HMCN2: variants seen among roughly 807,000 people sequenced by gnomAD.
HMCN2 encodes the protein hemicentin-2.
In HMCN2, 325 loss-of-function variants were observed where a neutral mutation model predicts 377.5. The ratio of observed to expected loss-of-function variants is 0.86; its 90% CI spans 0.79 to 0.94. The LOEUF (loss-of-function observed/expected upper bound fraction) is 0.94. Among genes scored for constraint, HMCN2 ranks in the 40% least tolerant of loss-of-function variants. The pLI is 0.00. For missense variants in HMCN2, 4,543 were observed against 4,725.3 expected (o/e 0.96, Z 1.13); for synonymous variants, 2,007 against 2,046.8 (o/e 0.98, Z 0.53).
At chr9:130,433,309 C>A (rs1686378787) in intron 97 of HMCN2, 39 bp from the exon 98 acceptor site, 4 of 1,385,020 alleles carry the variant, frequency 2.9e-6, no homozygotes, top group African/African-American at 3.0e-5. Context: ...CCGACCGCAC[C>A]CCCGAGTCCG....
Position 130,428,227 on chromosome 9 carries a change from G to T in HMCN2, c.14066-131G>T, listed in dbSNP as rs1241096710. 3 of 1,075,434 alleles carry T rather than the reference G, an allele frequency of 2.8e-6. No individual in the cohort carries two copies. The highest frequency in any genetic ancestry group is 3.9e-6 in the Non-Finnish European group (3 of 777,638). The allele number at this position is 1,075,434 out of a possible 1,614,324, so 66.6% of individuals were successfully genotyped here. Reference sequence around the variant, plus strand: ...ACAATGGAAAGAGCTAGCAGAAGGGGTGGGGACCTTCCTGCCAGTGGCTCC... The same window carrying T: ...ACAATGGAAAGAGCTAGCAGAAGGGTTGGGGACCTTCCTGCCAGTGGCTCC... On this transcript the variant is annotated intron_variant, in intron 92 of 97. Coordinates refer to ENST00000683500, the MANE Select transcript of HMCN2 (RefSeq NM_001291815.2). This position sits in a 1 kb window ranked among gnomAD's most constrained non-coding sequence, Gnocchi z 5.0.
At chr9:130,389,575 ATTC>A (rs1382092717) in intron 62 of HMCN2, among the ~76,000 whole-genome samples, 2 of 132,968 alleles carry the variant, frequency 1.5e-5, no homozygotes, top group Non-Finnish European at 3.1e-5. Context: ...TCAGTACTTC[ATTC>A]TTTTTTTTTT....
chr9:130,293,279 G>T (rs1218587317), intron 4 of HMCN2, among the ~76,000 whole-genome samples: 365 of 57,104 alleles, frequency 6.4e-3, no homozygotes, highest in African/African-American at 0.013. Context: ...ACTCACTAAA[G>T]TTTTTTTTTT....
intron 1 of HMCN2, among the ~76,000 whole-genome samples, chr9:130,276,977 G>A (rs781948626): frequency 8.5e-5 from 13 of 152,250 alleles, no homozygotes; most frequent in Non-Finnish European, 1.2e-4. Flanking sequence ...CAGGCCCCAG[G>A]AAGAGGCCTC....
intron 7 of HMCN2, 130 bp downstream of exon 7, chr9:130,296,924 G>A: frequency 2.6e-6 from 1 of 380,952 alleles, no homozygotes; most frequent in Non-Finnish European, 5.4e-6. Context: ...CCCTGCAGGA[G>A]GCCAAGTGGG....
rs929465237 is a variant in HMCN2, at chr9:130,423,233, C to A, written c.13381+507C>A. Among the ~76,000 whole-genome samples the A allele has an allele frequency of 6.6e-6, 1 of 152,118 alleles. No individual in the cohort carries two copies. On this transcript the variant is annotated intron_variant, in intron 87 of 97. Coordinates refer to ENST00000683500, the MANE Select transcript of HMCN2 (RefSeq NM_001291815.2). The surrounding 1 kb of genome is among the most constrained non-coding windows in gnomAD (Gnocchi z 5.5). ...AGAGCTCTCATGTACGGTGTCTGAG[C>A]GATGAATGCTCTGAGAGACTTGCAG...
At position 130,393,647 on chromosome 9, in the gene HMCN2, G is replaced by A; in HGVS notation, c.10235-95G>A. ...CACCTCACCTGGCCTTGGGGGACCA[G>A]GGCGGCTTCCTGGAAGAGGTGATGT... On this transcript the variant is annotated intron_variant, in intron 67 of 97. Coordinates refer to ENST00000683500, the MANE Select transcript of HMCN2 (RefSeq NM_001291815.2). The surrounding 1 kb of genome is among the most constrained non-coding windows in gnomAD (Gnocchi z 5.2). 1.8e-6 allele frequency: 2 copies of A among 1,136,246 alleles called. No individual in the cohort carries two copies. Among genetic ancestry groups the A allele is most frequent in the South Asian group, 1.6e-5 (1 of 62,764 alleles). 70.4% of individuals were successfully genotyped at this position (1,136,246 alleles called of 1,614,324 possible).
At chr9:130,415,139 C>G (rs891520691) in intron 85 of HMCN2, among the ~76,000 whole-genome samples, 7 of 152,188 alleles carry the variant, frequency 4.6e-5, no homozygotes, top group Admixed American at 2.6e-4. Flanking sequence ...CCACTCTCAT[C>G]TAGCAGAAGT....
At position 130,382,209 on chromosome 9, in the gene HMCN2, G is replaced by A; in HGVS notation, c.8457G>A (p.Leu2819=). ...GAGGCCGGGTCCTGCAGATCCCCCTGGTGCGGGCAGAGAACGCCGGGAGGT... is the reference window on the plus strand; with the variant it reads ...GAGGCCGGGTCCTGCAGATCCCCCTAGTGCGGGCAGAGAACGCCGGGAGGT... ...LQGGRVLQIP[L]VRAENAGRYS... Residue 2819 remains leucine (L), a synonymous_variant, in exon 55 of 98, where the codon CTG becomes CTA. Transcript: ENST00000683500. 1 of 985,862 alleles carries A rather than the reference G, an allele frequency of 1.0e-6. No individual in the cohort carries two copies. The highest frequency in any genetic ancestry group is 1.7e-5 in the African/African-American group (1 of 57,346). 61.1% of individuals were successfully genotyped at this position (985,862 alleles called of 1,614,324 possible).
At chr9:130,276,918 G>C (rs782399336) in intron 1 of HMCN2, among the ~76,000 whole-genome samples, 14 of 152,210 alleles carry the variant, frequency 9.2e-5, no homozygotes, top group Non-Finnish European at 1.5e-4. Context: ...TGGATCCAGG[G>C]CTGGCTCCAA....
intron 85 of HMCN2, 24 bp from the exon 86 acceptor site, chr9:130,418,748 A>T: frequency 1.4e-6 from 2 of 1,390,050 alleles, no homozygotes; most frequent in Non-Finnish European, 1.9e-6. Flanking sequence ...AAATGTTCCT[A>T]AAAGCCACCT....
At chr9:130,364,386 A>C (rs1040320127) in intron 40 of HMCN2, among the ~76,000 whole-genome samples, 1 of 152,272 alleles carries the variant, frequency 6.6e-6, no homozygotes, top group East Asian at 1.9e-4. Flanking sequence ...TGCTTAAAAA[A>C]ATTTTTTTAA....
intron 8 of HMCN2, among the ~76,000 whole-genome samples, chr9:130,301,220 T>C (rs1397047571): frequency 2.6e-5 from 4 of 152,232 alleles, no homozygotes; most frequent in Non-Finnish European, 5.9e-5. Flanking sequence ...TCCACTCCCC[T>C]ACTGTGGTTC....
At chr9:130,315,031 G>T (rs1386727452) in intron 15 of HMCN2, among the ~76,000 whole-genome samples, 5 of 151,758 alleles carry the variant, frequency 3.3e-5, no homozygotes, top group African/African-American at 7.3e-5. Flanking sequence ...GAAAATCCCT[G>T]GGAGGGGAGC....
At chr9:130,342,944 G>A (rs991929252) in intron 25 of HMCN2, among the ~76,000 whole-genome samples, 1 of 152,214 alleles carries the variant, frequency 6.6e-6, no homozygotes, top group Non-Finnish European at 1.5e-5. Context: ...GCCCAGCGCC[G>A]AACCCTGCCC....
intron 81 of HMCN2, 122 bp downstream of exon 81, chr9:130,405,181 C>A: frequency 1.5e-6 from 1 of 662,950 alleles, no homozygotes; most frequent in Non-Finnish European, 2.0e-6. Flanking sequence ...GTGTCACCAT[C>A]CCGGGTACAG....
At chr9:130,268,307 C>G (rs560986642) in intron 1 of HMCN2, among the ~76,000 whole-genome samples, 1 of 152,332 alleles carries the variant, frequency 6.6e-6, no homozygotes, top group African/African-American at 2.4e-5. Flanking sequence ...CCCCCTCACT[C>G]CATCCTCTAT....
At chr9:130,370,604 G>A (rs914981) in intron 45 of HMCN2, among the ~76,000 whole-genome samples, 119,019 of 152,090 alleles carry the variant, frequency 0.78, 49,915 homozygotes, top group Non-Finnish European at 0.93. Flanking sequence ...ACGTGGATTT[G>A]GGAAGCACAT....
intron 1 of HMCN2, among the ~76,000 whole-genome samples, chr9:130,266,370 T>TC (rs1834100804): frequency 6.7e-6 from 1 of 148,726 alleles, no homozygotes; most frequent in Non-Finnish European, 1.5e-5. Flanking sequence ...GAACCTGCTC[T>TC]CCCTGCTCTC....
Sources: allele counts gnomAD v4.1 joint callset (sites outside exome capture counted in the v4.1 genomes callset), GRCh38; gene constraint gnomAD v4.1.1; non-coding constraint Gnocchi (gnomAD v3.1); transcripts MANE v1.5; gene names NCBI Gene and HGNC (gene_info 2026-07-23, HGNC 2026-07-21).